SLC44A5: variants seen among roughly 807,000 people sequenced by gnomAD.
The protein encoded by SLC44A5 is choline transporter-like protein 5.
A neutral mutation model predicts 101.8 loss-of-function variants in SLC44A5; 57 were observed. The observed-to-expected ratio is 0.56, with a 90% CI of 0.45 to 0.70. SLC44A5 has a LOEUF of 0.70. Among genes scored for constraint, SLC44A5 ranks in the 30% least tolerant of loss-of-function variants. The pLI, the probability that SLC44A5 is intolerant of heterozygous loss-of-function variation, is 0.00. For missense variants in SLC44A5, 737 were observed against 853.1 expected, an observed-to-expected ratio of 0.86 and a Z score of 1.70; for synonymous variants, 281 against 290.9, an observed-to-expected ratio of 0.97 and a Z score of 0.35.
the SLC44A5 span, among the ~76,000 whole-genome samples, chr1:75,619,058 G>A: frequency 9.6e-6 from 1 of 104,128 alleles, no homozygotes; most frequent in Non-Finnish European, 1.8e-5. Flanking sequence ...CAACAAGAGC[G>A]AAACTCTGTC....
intron 3 of SLC44A5, among the ~76,000 whole-genome samples, chr1:75,350,795 G>A (rs554987109): frequency 2.0e-5 from 3 of 150,214 alleles, no homozygotes; most frequent in Admixed American, 6.7e-5. Flanking sequence ...TTGGGAGGCT[G>A]AGAAAGGAGA....
chr1:75,582,886 G>A (rs1673779443), intron 1 of SLC44A5, among the ~76,000 whole-genome samples: 1 of 152,070 alleles, frequency 6.6e-6, no homozygotes, highest in African/African-American at 2.4e-5. Context: ...ATTAATTATT[G>A]CATGAGCTGG....
At chr1:75,504,152 C>T (rs978116718) in intron 2 of SLC44A5, among the ~76,000 whole-genome samples, 3 of 152,082 alleles carry the variant, frequency 2.0e-5, no homozygotes, top group African/African-American at 4.8e-5. Flanking sequence ...ATAAAGTTAT[C>T]TTAAAATAAT....
chr1:75,646,395 T>C, the SLC44A5 span, among the ~76,000 whole-genome samples: 1 of 152,140 alleles, frequency 6.6e-6, no homozygotes, highest in Admixed American at 6.6e-5. Flanking sequence ...TTTGAAGCAA[T>C]TGTGAATGGG....
chr1:75,612,433 G>A (rs572262913), upstream of SLC44A5, among the ~76,000 whole-genome samples: 1 of 152,208 alleles, frequency 6.6e-6, no homozygotes, highest in African/African-American at 2.4e-5. Flanking sequence ...CTACCTTAAG[G>A]CCTGAAGTGT....
chr1:75,496,974 A>C (rs914347289), intron 2 of SLC44A5, among the ~76,000 whole-genome samples: 3 of 152,100 alleles, frequency 2.0e-5, no homozygotes, highest in Non-Finnish European at 4.4e-5. Context: ...TCAAAAAGAC[A>C]AAAAATAAGT....
chr1:75,605,875 A>G (rs907207097), intron 1 of SLC44A5, among the ~76,000 whole-genome samples: 1 of 152,022 alleles, frequency 6.6e-6, no homozygotes, highest in Non-Finnish European at 1.5e-5. Flanking sequence ...GGAAGAAAGG[A>G]AAGATGATAG....
intron 4 of SLC44A5, among the ~76,000 whole-genome samples, chr1:75,305,271 C>T (rs1464186618): frequency 1.3e-5 from 2 of 152,074 alleles, no homozygotes; most frequent in African/African-American, 4.8e-5. Context: ...CTTTCATCCA[C>T]CCCTTTCTTT....
At chr1:75,414,193 C>T (rs1041117710) in intron 2 of SLC44A5, among the ~76,000 whole-genome samples, 2 of 151,936 alleles carry the variant, frequency 1.3e-5, no homozygotes, top group Non-Finnish European at 2.9e-5. Flanking sequence ...CTCCACTACT[C>T]CTTCCTAAAT....
chr1:75,540,585 G>T (rs1404053818), intron 2 of SLC44A5, among the ~76,000 whole-genome samples: 1 of 152,108 alleles, frequency 6.6e-6, no homozygotes, highest in Non-Finnish European at 1.5e-5. Context: ...CAGACCTTTA[G>T]ATCTTATTTT....
the SLC44A5 span, among the ~76,000 whole-genome samples, chr1:75,621,956 A>G: frequency 1.3e-3 from 201 of 152,254 alleles, no homozygotes; most frequent in African/African-American, 4.5e-3. Context: ...GCCACACACC[A>G]TTATGTACAC....
At chr1:75,614,298 A>AG (rs921363710), upstream of SLC44A5, among the ~76,000 whole-genome samples, 31 of 152,084 alleles carry the variant, frequency 2.0e-4, no homozygotes, top group African/African-American at 6.3e-4. Flanking sequence ...TAATTTATGG[A>AG]GGGGGGGAAT....
intron 3 of SLC44A5, among the ~76,000 whole-genome samples, chr1:75,372,942 G>T (rs537247625): frequency 6.6e-6 from 1 of 152,228 alleles, no homozygotes; most frequent in Non-Finnish European, 1.5e-5. Context: ...GTTTAACACT[G>T]CTATACAAAA....
chr1:75,389,688 C>T (rs890372381), intron 3 of SLC44A5, among the ~76,000 whole-genome samples: 1 of 152,114 alleles, frequency 6.6e-6, no homozygotes, highest in African/African-American at 2.4e-5. Flanking sequence ...GTTTATAGCA[C>T]TACATACCTA....
the SLC44A5 span, among the ~76,000 whole-genome samples, chr1:75,668,439 C>A: frequency 1.3e-5 from 2 of 148,768 alleles, no homozygotes; most frequent in African/African-American, 2.5e-5. Context: ...ATCCTCCAGC[C>A]TTAGCCTCCC....
intron 3 of SLC44A5, among the ~76,000 whole-genome samples, chr1:75,371,082 G>A (rs967005799): frequency 6.6e-6 from 1 of 152,160 alleles, no homozygotes; most frequent in Non-Finnish European, 1.5e-5. Context: ...AAATAAAGGG[G>A]CTGGACTCCA....
At chr1:75,524,731 A>G (rs1351456328) in intron 2 of SLC44A5, among the ~76,000 whole-genome samples, 1 of 152,190 alleles carries the variant, frequency 6.6e-6, no homozygotes, top group African/African-American at 2.4e-5. Context: ...AAGGATATTT[A>G]ACAACATTGT....
intron 4 of SLC44A5, among the ~76,000 whole-genome samples, chr1:75,328,216 C>A (rs1050087806): frequency 6.6e-6 from 1 of 152,144 alleles, no homozygotes; most frequent in Non-Finnish European, 1.5e-5. Flanking sequence ...AAAGAATGTA[C>A]ACTTAAATAT....
intron 3 of SLC44A5, among the ~76,000 whole-genome samples, chr1:75,350,196 A>G (rs1658541173): frequency 6.6e-6 from 1 of 152,058 alleles, no homozygotes; most frequent in Non-Finnish European, 1.5e-5. Context: ...TAGAGTTCTT[A>G]TAAGAAGAGG....
Sources: gnomAD v4.1 joint callset for allele counts (sites outside exome capture counted in the v4.1 genomes callset) on GRCh38, gnomAD v4.1.1 for gene constraint, MANE v1.5 for transcripts, NCBI Gene and HGNC (gene_info 2026-07-23, HGNC 2026-07-21) for gene names.